Variants in NWD2 observed in about 807,000 individuals in gnomAD.
The protein encoded by NWD2 is NACHT and WD repeat domain-containing protein 2.
Under a neutral mutation model 132.7 loss-of-function variants are expected in NWD2, and 37 were observed. The ratio of observed to expected loss-of-function variants is 0.28; its 90% CI spans 0.21 to 0.37. The LOEUF (loss-of-function observed/expected upper bound fraction) is 0.37, where lower values mean the gene tolerates loss of function less well. NWD2 is among the 10% of genes least tolerant of loss of function. NWD2 has a pLI of 1.00. For synonymous variants in NWD2, 705 were observed against 803.0 expected, an observed-to-expected ratio of 0.88 and a Z score of 2.06; for missense variants, 1,592 against 2,122.4, an observed-to-expected ratio of 0.75 and a Z score of 4.91.
intron 3 of NWD2, among the ~76,000 whole-genome samples, chr4:37,368,272 T>C (rs1254919427): frequency 6.6e-6 from 1 of 152,218 alleles, no homozygotes; most frequent in African/African-American, 2.4e-5. Flanking sequence ...CAAAGATTTC[T>C]TAATTTTTCT....
At chr4:37,405,349 G>A (rs1444599083) in intron 3 of NWD2, among the ~76,000 whole-genome samples, 2 of 152,056 alleles carry the variant, frequency 1.3e-5, no homozygotes, top group Non-Finnish European at 2.9e-5. Flanking sequence ...TGAAATGTGG[G>A]TAGCAGTCTA....
At chr4:37,257,930 A>G (rs1418936952) in intron 1 of NWD2, among the ~76,000 whole-genome samples, 1 of 152,276 alleles carries the variant, frequency 6.6e-6, no homozygotes, top group East Asian at 1.9e-4. Flanking sequence ...TTCAAAGAAT[A>G]AAAAGTTTGC....
chr4:37,314,947 C>T (rs980952734), intron 1 of NWD2, among the ~76,000 whole-genome samples: 35 of 152,084 alleles, frequency 2.3e-4, no homozygotes, highest in African/African-American at 7.0e-4. Context: ...TAGCTTTTAG[C>T]GTGTGCTTTT....
chr4:37,400,922 C>T (rs1720884785), intron 3 of NWD2, among the ~76,000 whole-genome samples: 1 of 152,274 alleles, frequency 6.6e-6, no homozygotes, highest in East Asian at 1.9e-4. Flanking sequence ...CCAAACAAAC[C>T]ATATCCAAAC....
At chr4:37,294,473 T>A (rs1482348013) in intron 1 of NWD2, among the ~76,000 whole-genome samples, 3 of 152,094 alleles carry the variant, frequency 2.0e-5, no homozygotes, top group African/African-American at 7.2e-5. Flanking sequence ...CTAAGAAGGA[T>A]ACATTGCAGA....
At chr4:37,274,355 C>T (rs1263886487) in intron 1 of NWD2, among the ~76,000 whole-genome samples, 1 of 152,158 alleles carries the variant, frequency 6.6e-6, no homozygotes, top group African/African-American at 2.4e-5. Context: ...TTCCTCGACA[C>T]ATACACCCTC....
At chr4:37,375,297 T>C (rs1203817864) in intron 3 of NWD2, among the ~76,000 whole-genome samples, 1 of 152,260 alleles carries the variant, frequency 6.6e-6, no homozygotes, top group Non-Finnish European at 1.5e-5. Flanking sequence ...TTATAAAGAA[T>C]ATATAACAAT....
chr4:37,261,302 A>T (rs551237702), intron 1 of NWD2, among the ~76,000 whole-genome samples: 1 of 152,304 alleles, frequency 6.6e-6, no homozygotes, highest in Admixed American at 6.5e-5. Context: ...TAGAAGAGGG[A>T]AGGACATGTA....
chr4:37,394,771 C>CTATTTTCCT (rs1294395703), intron 3 of NWD2, among the ~76,000 whole-genome samples: 2 of 128,490 alleles, frequency 1.6e-5, no homozygotes, highest in African/African-American at 3.0e-5. Flanking sequence ...ACAAATTGGC[C>CTATTTTCCT]TATTTTCCTC....
intron 3 of NWD2, among the ~76,000 whole-genome samples, chr4:37,396,463 A>G (rs1560412142): frequency 1.3e-5 from 2 of 152,208 alleles, no homozygotes; most frequent in Non-Finnish European, 2.9e-5. Flanking sequence ...CTTCATGGGC[A>G]GCTCTCCATA....
intron 1 of NWD2, among the ~76,000 whole-genome samples, chr4:37,288,435 G>A (rs1203559483): frequency 1.3e-5 from 2 of 152,206 alleles, no homozygotes; most frequent in Non-Finnish European, 1.5e-5. Context: ...ACTTTAGCCA[G>A]TATCACTTAA....
intron 3 of NWD2, among the ~76,000 whole-genome samples, chr4:37,360,270 T>G (rs898218807): frequency 1.3e-5 from 2 of 152,128 alleles, no homozygotes; most frequent in Non-Finnish European, 2.9e-5. Flanking sequence ...TAACTTAAAA[T>G]GTAATTTATT....
intron 3 of NWD2, among the ~76,000 whole-genome samples, chr4:37,370,782 G>A (rs78518062): frequency 6.6e-6 from 1 of 152,184 alleles, no homozygotes; most frequent in Non-Finnish European, 1.5e-5. Flanking sequence ...CAGGAGGAAT[G>A]ATGAGGCTAA....
At chr4:37,329,614 CA>C (rs151069340) in intron 2 of NWD2, among the ~76,000 whole-genome samples, 29,058 of 144,302 alleles carry the variant, frequency 0.2, 2,859 homozygotes, top group South Asian at 0.33. Flanking sequence ...GACCCTGTCT[CA>C]AAAAAAAAAA....
intron 3 of NWD2, among the ~76,000 whole-genome samples, chr4:37,390,304 A>G: frequency 6.6e-6 from 1 of 152,352 alleles, no homozygotes; most frequent in East Asian, 1.9e-4. Flanking sequence ...AGAAAATATC[A>G]GAGTGCATAT....
intron 3 of NWD2, among the ~76,000 whole-genome samples, chr4:37,402,358 A>G (rs975619652): frequency 6.6e-6 from 1 of 152,204 alleles, no homozygotes; most frequent in Non-Finnish European, 1.5e-5. Flanking sequence ...AGTTAGTTCT[A>G]TGTGTCTGAG....
chr4:37,306,940 C>T (rs1007574492), intron 1 of NWD2, among the ~76,000 whole-genome samples: 11 of 151,770 alleles, frequency 7.2e-5, no homozygotes, highest in Non-Finnish European at 1.5e-4. Context: ...AGGAGAATCA[C>T]TTGAACCCGG....
At chr4:37,343,630 A>C (rs1283723694) in intron 2 of NWD2, among the ~76,000 whole-genome samples, 1 of 152,164 alleles carries the variant, frequency 6.6e-6, no homozygotes, top group Non-Finnish European at 1.5e-5. Flanking sequence ...CAGTCATATT[A>C]TCTCTATAGT....
chr4:37,321,069 A>G (rs974777247), intron 1 of NWD2, among the ~76,000 whole-genome samples: 5 of 152,138 alleles, frequency 3.3e-5, no homozygotes, highest in Non-Finnish European at 5.9e-5. Flanking sequence ...AGGCATGAAA[A>G]TTGCTTGAAC....
Sources: gnomAD v4.1 joint callset for allele counts (sites outside exome capture counted in the v4.1 genomes callset) on GRCh38, gnomAD v4.1.1 for gene constraint, MANE v1.5 for transcripts, NCBI Gene and HGNC (gene_info 2026-07-23, HGNC 2026-07-21) for gene names.